Variants in LRP1B observed in about 807,000 individuals in gnomAD.
The protein encoded by LRP1B is low-density lipoprotein receptor-related protein 1B.
Under a neutral mutation model 556.6 loss-of-function variants are expected in LRP1B, and 217 were observed. The ratio of observed to expected loss-of-function variants is 0.39; its 90% CI spans 0.35 to 0.44. LRP1B has a LOEUF of 0.44. LRP1B is among the 20% of genes least tolerant of loss of function. The probability of loss-of-function intolerance (pLI) is 1.00; values close to 1 mark genes in which losing one functional copy is unlikely to be tolerated. For missense variants in LRP1B, 5,053 were observed against 5,620.8 expected, an observed-to-expected ratio of 0.90 and a Z score of 3.23; for synonymous variants, 2,047 against 1,865.8, an observed-to-expected ratio of 1.10 and a Z score of -2.50.
intron 3 of LRP1B, among the ~76,000 whole-genome samples, chr2:141,278,504 C>G (rs368086548): frequency 3.2e-4 from 49 of 152,200 alleles, no homozygotes; most frequent in South Asian, 1.5e-3. Flanking sequence ...ACTACATGTA[C>G]TGGGTCACGT....
rs180986021 is a variant in LRP1B, at chr2:140,886,395, T to C, written c.3767-60A>G. ...AATGTAAACTCTGGTAATGAAATGC[T>C]TGGGATCAAAATATATTATTTAAAA... On this transcript the variant is annotated intron_variant, in intron 23 of 90. Transcript: ENST00000389484. 59 of 858,666 alleles carry C rather than the reference T, an allele frequency of 6.9e-5. No individual in the cohort carries two copies. The African/African-American group carries it at 9.2e-4, about 13-fold the overall frequency. The allele number at this position is 858,666 out of a possible 1,614,324, so 53.2% of individuals were successfully genotyped here.
intron 1 of LRP1B, among the ~76,000 whole-genome samples, chr2:141,822,087 ATAC>A (rs1278638747): frequency 1.7e-5 from 2 of 120,506 alleles, no homozygotes; most frequent in Non-Finnish European, 3.4e-5. Context: ...TCACCAAAAA[ATAC>A]ATACACACAC....
At chr2:141,448,949 C>A (rs1293973134) in intron 3 of LRP1B, among the ~76,000 whole-genome samples, 1 of 152,154 alleles carries the variant, frequency 6.6e-6, no homozygotes, top group Non-Finnish European at 1.5e-5. Context: ...TGAAACTATT[C>A]AATTTGTTAA....
chr2:140,925,189 C>T (rs546797781), intron 20 of LRP1B, among the ~76,000 whole-genome samples: 2 of 152,214 alleles, frequency 1.3e-5, no homozygotes, highest in South Asian at 2.1e-4. Flanking sequence ...TCTTCAGGGT[C>T]CTGAAACCAA....
In LRP1B at chr2:140,701,829, A is replaced by T. The variant is rs1281389118; in HGVS notation, c.6319T>A (p.Ser2107Thr). The T allele has an allele frequency of 6.2e-7, 1 of 1,613,048 alleles. No individual in the cohort carries two copies. Among genetic ancestry groups the T allele is most frequent in the South Asian group, 1.1e-5 (1 of 91,054 alleles). The stretch of plus-strand genomic sequence containing the variant: ...TCATTCTTGTGGCCCCTTCTGACAG[A>T]CCCGTTTGCATGTGCTCTGCCAAAA... ...YWSDRAHANGSVRRGHKNDAT... is the reference protein window; with the variant it reads ...YWSDRAHANGTVRRGHKNDAT... Residue 2107 changes from serine to threonine, a missense_variant, in exon 40 of 91, where the codon TCT becomes ACT. By Grantham distance (58) the Ser-to-Thr change is moderately conservative. Transcript: ENST00000389484.
Position 141,363,096 on chromosome 2 carries a change from G to C in LRP1B, c.344-108455C>G, listed in dbSNP as rs75624948. On this transcript the variant is annotated intron_variant, in intron 3 of 90. Coordinates refer to ENST00000389484, the MANE Select transcript of LRP1B (RefSeq NM_018557.3). ...CACAATCTGGTGTCAAAGCATCTCAGAGTCATAACCCAAAATGCTTTGTAC... is the reference window on the plus strand; with the variant it reads ...CACAATCTGGTGTCAAAGCATCTCACAGTCATAACCCAAAATGCTTTGTAC... 2.6e-3 allele frequency among the ~76,000 whole-genome samples: 392 copies of C among 152,226 alleles called. 1 individual carries two copies. Among genetic ancestry groups the C allele is most frequent in the African/African-American group, 9.0e-3 (372 of 41,528 alleles).
chr2:140,684,316 A>G (rs1475783829), intron 41 of LRP1B, among the ~76,000 whole-genome samples: 1 of 152,224 alleles, frequency 6.6e-6, no homozygotes, highest in African/African-American at 2.4e-5. Context: ...GCTGGCAGAA[A>G]AAGATGGTTA....
rs1377507574 is a variant in LRP1B, at chr2:141,070,259, G to A, written c.1014-7986C>T. Among the ~76,000 whole-genome samples, 5 of 151,080 alleles carry A rather than the reference G, an allele frequency of 3.3e-5. No homozygotes were observed. The South Asian group carries it at 6.3e-4, about 19-fold the overall frequency. On this transcript the variant is annotated intron_variant, in intron 7 of 90. Coordinates refer to ENST00000389484, the MANE Select transcript of LRP1B (RefSeq NM_018557.3). ...CAACCTGCTCCTGAATGACTACTGG[G>A]TACATAACGAAATGAAGGCAGAAAT...
chr2:141,263,654 T>C (rs1450317341), intron 3 of LRP1B, among the ~76,000 whole-genome samples: 1 of 152,148 alleles, frequency 6.6e-6, no homozygotes, highest in African/African-American at 2.4e-5. Flanking sequence ...CCAACTAATT[T>C]ATGAGGCTGG....
intron 3 of LRP1B, among the ~76,000 whole-genome samples, chr2:141,436,983 A>T (rs984936992): frequency 6.6e-6 from 1 of 152,140 alleles, no homozygotes; most frequent in Non-Finnish European, 1.5e-5. Flanking sequence ...TGTAAATTTA[A>T]TTATGAGATA....
In LRP1B at chr2:140,867,663, A is replaced by C; in HGVS notation, c.4506T>G (p.Asn1502Lys). 6.2e-7 allele frequency: 1 copy of C among 1,613,674 alleles called. No homozygotes were observed. The highest frequency in any genetic ancestry group is 8.5e-7 in the Non-Finnish European group (1 of 1,179,698). Residue 1502 changes from asparagine to lysine, a missense_variant, in exon 27 of 91, where the codon AAT becomes AAG. Physicochemically the swap from Asn to Lys is moderately conservative, Grantham distance 94. Transcript: ENST00000389484. ...LSKANKWTGQ[N>K]VSVIQKTSAQ... is the part of the protein sequence containing the mutation. ...CACTGGTTTTCTGAATCACACTGAC[A>C]TTCTGCCCTGTCCACTTATTGGCTT... is the stretch of plus-strand genomic sequence containing the variant.
intron 32 of LRP1B, among the ~76,000 whole-genome samples, chr2:140,783,524 G>A (rs113733323): frequency 0.024 from 3,614 of 152,106 alleles, 76 homozygotes; most frequent in South Asian, 0.098. Context: ...AAGAATAGGA[G>A]AGAAGACCAT....
intron 33 of LRP1B, among the ~76,000 whole-genome samples, chr2:140,775,119 A>C (rs903450472): frequency 2.0e-5 from 3 of 152,008 alleles, no homozygotes; most frequent in Non-Finnish European, 2.9e-5. Context: ...GGGGCAAGTA[A>C]AGATTCCAAA....
At chr2:141,333,177 G>A (rs1402355283) in intron 3 of LRP1B, among the ~76,000 whole-genome samples, 2 of 152,064 alleles carry the variant, frequency 1.3e-5, no homozygotes, top group African/African-American at 2.4e-5. Flanking sequence ...ATGACTTTAA[G>A]AGCAGCATTT....
intron 1 of LRP1B, among the ~76,000 whole-genome samples, chr2:141,920,512 C>T (rs969325086): frequency 6.6e-6 from 1 of 151,954 alleles, no homozygotes; most frequent in South Asian, 2.1e-4. Flanking sequence ...ACTCAATGTG[C>T]TGACAGGAGG....
chr2:141,782,268 T>A (rs1400868631), intron 2 of LRP1B, among the ~76,000 whole-genome samples: 1 of 152,046 alleles, frequency 6.6e-6, no homozygotes, highest in Non-Finnish European at 1.5e-5. Context: ...GTCTTCAAAT[T>A]TTCTAGAGGA....
chr2:142,106,356 G>T (rs2104979046), intron 1 of LRP1B, among the ~76,000 whole-genome samples: 1 of 152,232 alleles, frequency 6.6e-6, no homozygotes, highest in Admixed American at 6.5e-5. Flanking sequence ...TGCAAAATTT[G>T]TAAAGCACTT....
chr2:141,508,082 T>C (rs1392311317), intron 2 of LRP1B, among the ~76,000 whole-genome samples: 30 of 41,132 alleles, frequency 7.3e-4, no homozygotes, highest in South Asian at 9.5e-4. Flanking sequence ...GGAGACTCCA[T>C]CCCCCCCCCA....
intron 1 of LRP1B, among the ~76,000 whole-genome samples, chr2:142,036,271 C>T (rs1703874392): frequency 6.6e-6 from 1 of 151,542 alleles, no homozygotes; most frequent in Admixed American, 6.6e-5. Context: ...CATTTCATAG[C>T]CATTTTAAGA....
Sources: gnomAD v4.1 joint callset for allele counts (sites outside exome capture counted in the v4.1 genomes callset) on GRCh38, gnomAD v4.1.1 for gene constraint, MANE v1.5 for transcripts, NCBI Gene and HGNC (gene_info 2026-07-23, HGNC 2026-07-21) for gene names.